The following GRIK2 variants were observed in gnomAD, a reference collection of about 807,000 sequenced individuals.
GRIK2 encodes glutamate ionotropic receptor kainate type subunit 2.
Under a neutral mutation model 100.3 loss-of-function variants are expected in GRIK2, and 32 were observed. The observed-to-expected ratio is 0.32, with a 90% confidence interval of 0.24 to 0.43. GRIK2 has a LOEUF of 0.43. GRIK2 is among the 20% of genes least tolerant of loss of function. The pLI, the probability that GRIK2 is intolerant of heterozygous loss-of-function variation, is 1.00. For synonymous variants in GRIK2, 417 were observed against 389.4 expected (o/e 1.07, Z -0.83); for missense variants, 843 against 1,114.9 (o/e 0.76, Z 3.47).
chr6:101,917,443 T>TA (rs1789191071), intron 12 of GRIK2, among the ~76,000 whole-genome samples: 2 of 151,696 alleles, frequency 1.3e-5, no homozygotes, highest in Non-Finnish European at 3.0e-5. Context: ...AGGATGATTT[T>TA]AAAAAAATCC....
At chr6:101,803,961 T>C (rs1780828624) in intron 9 of GRIK2, among the ~76,000 whole-genome samples, 2 of 151,968 alleles carry the variant, frequency 1.3e-5, no homozygotes, top group South Asian at 4.1e-4. Flanking sequence ...TATTATTTTC[T>C]AAAATCTGAA....
chr6:101,593,329 A>G (rs1778764716), intron 2 of GRIK2, among the ~76,000 whole-genome samples: 1 of 151,838 alleles, frequency 6.6e-6, no homozygotes, highest in Non-Finnish European at 1.5e-5. Context: ...AAGCTTCACT[A>G]TTTGTTTCAT....
chr6:101,976,275 T>A (rs956039653), intron 14 of GRIK2, among the ~76,000 whole-genome samples: 4 of 151,900 alleles, frequency 2.6e-5, no homozygotes, highest in African/African-American at 7.2e-5. Flanking sequence ...TTTTTCTCAG[T>A]GGAATTGAGT....
chr6:101,461,259 G>T (rs1771292966), intron 2 of GRIK2, among the ~76,000 whole-genome samples: 1 of 152,122 alleles, frequency 6.6e-6, no homozygotes, highest in Non-Finnish European at 1.5e-5. Context: ...TCAGAAGTTG[G>T]GTACAGGTCT....
intron 2 of GRIK2, among the ~76,000 whole-genome samples, chr6:101,596,206 C>CT (rs5878678): frequency 0.074 from 10,322 of 140,354 alleles, 399 homozygotes; most frequent in South Asian, 0.12. Flanking sequence ...TAAACTAATC[C>CT]TTTTTTTTTT....
At chr6:101,449,278 T>C (rs1198638148) in intron 2 of GRIK2, among the ~76,000 whole-genome samples, 1 of 151,692 alleles carries the variant, frequency 6.6e-6, no homozygotes, top group Non-Finnish European at 1.5e-5. Context: ...TAAAGTGATT[T>C]TTATCTCTTA....
intron 4 of GRIK2, 34 bp downstream of exon 4, chr6:101,626,671 T>G: frequency 1.9e-6 from 3 of 1,565,750 alleles, no homozygotes; most frequent in Non-Finnish European, 2.6e-6. Flanking sequence ...GAGCTATGCT[T>G]TAAATATAGA....
At chr6:101,547,986 T>C (rs1015457688) in intron 2 of GRIK2, among the ~76,000 whole-genome samples, 33 of 152,048 alleles carry the variant, frequency 2.2e-4, no homozygotes, top group African/African-American at 8.0e-4. Context: ...CACCTGTTTT[T>C]TCCTGACTTT....
chr6:101,508,979 C>T (rs1774162861), intron 2 of GRIK2, among the ~76,000 whole-genome samples: 1 of 151,824 alleles, frequency 6.6e-6, no homozygotes, highest in African/African-American at 2.4e-5. Flanking sequence ...CACGGTGAAA[C>T]CCCGTCTCTA....
At chr6:102,051,251 C>CCCTCCCTTCCTT (rs1215298030) in intron 15 of GRIK2, among the ~76,000 whole-genome samples, 102 of 122,106 alleles carry the variant, frequency 8.4e-4, no homozygotes, top group East Asian at 1.7e-3. Context: ...TTCCCTCCCT[C>CCCTCCCTTCCTT]CCTTCCTTCC....
chr6:101,672,288 A>T (rs1445997035), intron 4 of GRIK2, among the ~76,000 whole-genome samples: 1 of 152,136 alleles, frequency 6.6e-6, no homozygotes, highest in Non-Finnish European at 1.5e-5. Flanking sequence ...GCAACCCTTG[A>T]CATGGCTGAT....
intron 2 of GRIK2, among the ~76,000 whole-genome samples, chr6:101,457,059 A>G (rs1447663969): frequency 6.6e-6 from 1 of 152,146 alleles, no homozygotes; most frequent in Non-Finnish European, 1.5e-5. Flanking sequence ...TAAAAGGAAC[A>G]CCATGGCCTT....
rs1013140005 is a variant in GRIK2 at position 101,762,714 on chromosome 6, A to G, written c.952-36934A>G. On this transcript the variant is annotated intron_variant, in intron 7 of 16. Coordinates refer to ENST00000369134, the MANE Select transcript of GRIK2 (RefSeq NM_021956.5). ...GGTGTCATTAAGTACGTGCCTTGAC[A>G]GGATTTGAAGTTTTTTTCTAATTCA... Among the ~76,000 whole-genome samples the G allele has an allele frequency of 3.3e-5, 5 of 152,288 alleles. No individual in the cohort carries two copies. The East Asian group carries it at 5.8e-4, about 18-fold the overall frequency.
At chr6:101,470,637 G>A (rs1250801483) in intron 2 of GRIK2, among the ~76,000 whole-genome samples, 3 of 152,036 alleles carry the variant, frequency 2.0e-5, no homozygotes, top group African/African-American at 7.2e-5. Flanking sequence ...GGGAAGAGTA[G>A]GGTGATGGTT....
intron 4 of GRIK2, among the ~76,000 whole-genome samples, chr6:101,644,057 A>G (rs1419025512): frequency 1.3e-5 from 2 of 151,754 alleles, no homozygotes; most frequent in African/African-American, 2.4e-5. Flanking sequence ...CTGATGACAT[A>G]TACAACTATA....
At chr6:101,604,711 A>G (rs1428929433) in intron 2 of GRIK2, among the ~76,000 whole-genome samples, 1 of 151,986 alleles carries the variant, frequency 6.6e-6, no homozygotes, top group Non-Finnish European at 1.5e-5. Context: ...TAAAAAGCCA[A>G]TAATTTATTT....
chr6:101,818,274 G>A (rs1183729188), intron 9 of GRIK2, 96 bp from the exon 10 acceptor site: 2 of 682,426 alleles, frequency 2.9e-6, no homozygotes, highest in Non-Finnish European at 5.1e-6. Flanking sequence ...TGCAGCAAAG[G>A]TGAATAATAA....
At chr6:101,406,289 T>C (rs1162934867) in intron 2 of GRIK2, among the ~76,000 whole-genome samples, 1 of 152,144 alleles carries the variant, frequency 6.6e-6, no homozygotes, top group Non-Finnish European at 1.5e-5. Context: ...ATAGCAGCAT[T>C]CAGATATAGT....
intron 2 of GRIK2, among the ~76,000 whole-genome samples, chr6:101,537,442 T>G (rs5878670): frequency 6.6e-4 from 89 of 134,146 alleles, no homozygotes; most frequent in African/African-American, 2.2e-3. Flanking sequence ...GTGTGTGTGT[T>G]TGTGTGTGTG....
Sources: allele counts gnomAD v4.1 joint callset (sites outside exome capture counted in the v4.1 genomes callset), GRCh38; gene constraint gnomAD v4.1.1; transcripts MANE v1.5; gene names NCBI Gene and HGNC (gene_info 2026-07-23, HGNC 2026-07-21).